Variants in COG5 observed in about 807,000 individuals in gnomAD.
COG5 encodes the protein conserved oligomeric Golgi complex subunit 5.
COG5 carries 86 observed loss-of-function variants against 110.4 expected under a neutral mutation model. That is an observed-to-expected ratio of 0.78 (90% confidence interval 0.65 to 0.93). The LOEUF (loss-of-function observed/expected upper bound fraction) is 0.93, where lower values mean the gene tolerates loss of function less well. COG5 is among the 40% of genes least tolerant of loss of function. The pLI, the probability that COG5 is intolerant of heterozygous loss-of-function variation, is 0.00. For synonymous variants in COG5, 360 were observed against 334.6 expected (o/e 1.08, Z -0.83); for missense variants, 1,077 against 987.0 (o/e 1.09, Z -1.22).
At chr7:107,457,062 C>T (rs1218992632) in intron 6 of COG5, among the ~76,000 whole-genome samples, 2 of 151,974 alleles carry the variant, frequency 1.3e-5, no homozygotes, top group African/African-American at 4.8e-5. Context: ...ATGACCAGCA[C>T]CCAATAACAA....
At chr7:107,349,584 G>A (rs1811947761) in intron 10 of COG5, among the ~76,000 whole-genome samples, 1 of 151,638 alleles carries the variant, frequency 6.6e-6, no homozygotes, top group Admixed American at 6.6e-5. Context: ...TTGAGACAGA[G>A]TCTCGCTCTG....
chr7:107,552,127 A>G (rs1031477712), intron 3 of COG5, among the ~76,000 whole-genome samples: 21 of 152,208 alleles, frequency 1.4e-4, no homozygotes, highest in Non-Finnish European at 2.2e-4. Context: ...AAAAACCACA[A>G]TGAGAAATAT....
intron 2 of COG5, among the ~76,000 whole-genome samples, chr7:107,556,325 C>G (rs1213351409): frequency 6.6e-6 from 1 of 152,144 alleles, no homozygotes; most frequent in African/African-American, 2.4e-5. Context: ...TGCACTAAAC[C>G]CTAATAGTAA....
At chr7:107,377,190 G>T (rs1290550091) in intron 7 of COG5, among the ~76,000 whole-genome samples, 1 of 151,934 alleles carries the variant, frequency 6.6e-6, no homozygotes, top group African/African-American at 2.4e-5. Context: ...CAGTGAAGCT[G>T]ATTGGCCTTG....
At chr7:107,349,030 G>C (rs1383014571) in intron 10 of COG5, among the ~76,000 whole-genome samples, 1 of 152,050 alleles carries the variant, frequency 6.6e-6, no homozygotes, top group Non-Finnish European at 1.5e-5. Context: ...CCTGGCTCTG[G>C]AGTTTTTAAC....
chr7:107,278,109 G>T (rs1326027697), intron 14 of COG5, among the ~76,000 whole-genome samples: 1 of 152,056 alleles, frequency 6.6e-6, no homozygotes, highest in African/African-American at 2.4e-5. Context: ...ATTATGAAAA[G>T]CTGTTCGATG....
chr7:107,228,632 T>G (rs1800542731), intron 19 of COG5, among the ~76,000 whole-genome samples: 1 of 152,148 alleles, frequency 6.6e-6, no homozygotes, highest in African/African-American at 2.4e-5. Flanking sequence ...CTTAAACAGT[T>G]TTAAAAAGAT....
intron 6 of COG5, among the ~76,000 whole-genome samples, chr7:107,513,454 T>G (rs1799689154): frequency 6.6e-6 from 1 of 152,252 alleles, no homozygotes; most frequent in African/African-American, 2.4e-5. Flanking sequence ...TTGGTGGGAC[T>G]GTAAACTAGT....
At chr7:107,213,354 G>A (rs961956431) in intron 19 of COG5, among the ~76,000 whole-genome samples, 27 of 152,180 alleles carry the variant, frequency 1.8e-4, no homozygotes, top group African/African-American at 6.3e-4. Flanking sequence ...AAACAGCAGC[G>A]CCAAACAGTG....
chr7:107,388,647 C>T (rs1181827523), intron 7 of COG5, among the ~76,000 whole-genome samples: 1 of 152,184 alleles, frequency 6.6e-6, no homozygotes, highest in Non-Finnish European at 1.5e-5. Context: ...TGTAGAAAAG[C>T]ACTTTTCTAA....
intron 11 of COG5, among the ~76,000 whole-genome samples, chr7:107,312,273 T>G (rs1052754802): frequency 1.3e-5 from 2 of 152,224 alleles, no homozygotes; most frequent in Non-Finnish European, 2.9e-5. Flanking sequence ...TTTAACACTT[T>G]AGGGATCCAT....
At chr7:107,339,741 G>A (rs1451505613) in intron 10 of COG5, among the ~76,000 whole-genome samples, 3 of 151,962 alleles carry the variant, frequency 2.0e-5, no homozygotes, top group African/African-American at 7.3e-5. Flanking sequence ...CAATTACATG[G>A]AAATTAAACA....
At chr7:107,479,243 T>C (rs1166273090) in intron 6 of COG5, among the ~76,000 whole-genome samples, 1 of 152,022 alleles carries the variant, frequency 6.6e-6, no homozygotes, top group Non-Finnish European at 1.5e-5. Context: ...GAAGAGCAAA[T>C]TGTTCTTTGG....
chr7:107,522,957 A>T lies in COG5; in HGVS notation c.538+4280T>A, dbSNP rs376320497. ...TCAAATCAGGTAGGGTTATTCCTCC[A>T]ACTCTGTTTTCTCTTAAAAGTTATT... On this transcript the variant is annotated intron_variant, in intron 6 of 21. Transcript: ENST00000297135. Among the ~76,000 whole-genome samples the T allele has an allele frequency of 5.3e-5, 8 of 152,328 alleles. No homozygotes were observed. In the East Asian group the frequency reaches 9.6e-4, roughly 18 times the overall value.
At chr7:107,534,760 C>A in intron 5 of COG5, among the ~76,000 whole-genome samples, 1 of 151,424 alleles carries the variant, frequency 6.6e-6, no homozygotes, top group Non-Finnish European at 1.5e-5. Flanking sequence ...GTCAGATCAA[C>A]GAAACAGAAA....
chr7:107,453,964 T>A (rs1477479081), intron 6 of COG5, among the ~76,000 whole-genome samples: 1 of 145,618 alleles, frequency 6.9e-6, no homozygotes, highest in African/African-American at 2.5e-5. Context: ...AATATCCAAA[T>A]CAAAACAAAT....
intron 7 of COG5, among the ~76,000 whole-genome samples, chr7:107,382,183 G>C (rs1366896962): frequency 1.3e-5 from 2 of 152,130 alleles, no homozygotes; most frequent in Non-Finnish European, 2.9e-5. Flanking sequence ...GGTCAGTAAA[G>C]AATGTCCCTT....
intron 3 of COG5, 97 bp downstream of exon 3, chr7:107,554,188 G>T: frequency 9.9e-7 from 1 of 1,012,976 alleles, no homozygotes; most frequent in East Asian, 2.4e-5. Context: ...TGTATGGCTG[G>T]CAAAGTCTAA....
intron 7 of COG5, among the ~76,000 whole-genome samples, chr7:107,389,689 G>A (rs1416262950): frequency 6.6e-6 from 1 of 152,014 alleles, no homozygotes; most frequent in Admixed American, 6.6e-5. Flanking sequence ...CCTTACTAAT[G>A]TCCTCACCTG....
Sources: allele counts gnomAD v4.1 joint callset (sites outside exome capture counted in the v4.1 genomes callset), GRCh38; gene constraint gnomAD v4.1.1; transcripts MANE v1.5; gene names NCBI Gene and HGNC (gene_info 2026-07-23, HGNC 2026-07-21).